Variants in CHD5 observed in about 807,000 individuals in gnomAD.
CHD5 encodes the protein chromodomain helicase DNA binding protein 5, also known as ATP-dependent chromatin remodeler CHD5.
In CHD5, 69 loss-of-function variants were observed where a neutral mutation model predicts 230.3. The ratio of observed to expected loss-of-function variants is 0.30; its 90% CI spans 0.25 to 0.37. The LOEUF (loss-of-function observed/expected upper bound fraction) is 0.37, where lower values mean the gene tolerates loss of function less well. CHD5 is among the 10% of genes least tolerant of loss of function. The probability of loss-of-function intolerance (pLI) is 1.00; values close to 1 mark genes in which losing one functional copy is unlikely to be tolerated. For synonymous variants in CHD5, 1,064 were observed against 1,065.9 expected (o/e 1.00, Z 0.03); for missense variants, 1,827 against 2,622.8 (o/e 0.70, Z 6.63).
Position 6,125,777 on chromosome 1 carries a change from G to A in CHD5, c.4160C>T (p.Pro1387Leu), listed in dbSNP as rs371081328. 20 of 1,612,936 alleles carry A rather than the reference G, an allele frequency of 1.2e-5. No homozygotes were observed. Among genetic ancestry groups the A allele is most frequent in the African/African-American group, 6.7e-5 (5 of 74,854 alleles). ...EDEDEDFEER[P>L]EGQSGRRQSR... ...ACACTGAGACTCACTCTGCCCTTCC[G>A]GCCTCTCTTCAAAGTCCTCATCCTC... Residue 1387 changes from proline to leucine, a missense_variant, in exon 27 of 42, where the codon CCG becomes CTG. This residue lies in a region of CHD5 where 137 missense variants were observed against 272.7 expected (regional missense o/e 0.50). Transcript: ENST00000262450. The surrounding 1 kb of genome is among the most constrained non-coding windows in gnomAD (Gnocchi z 6.7).
In CHD5 at chr1:6,128,550, C is replaced by T; in HGVS notation, c.3679G>A (p.Gly1227Arg). ...TTTGCACTGGCGGCCAAGTTCCCCC[C>T]TTTGGAGGACTGGACATCAGGGATG... is the stretch of plus-strand genomic sequence containing the variant. ...TPIPDVQSSK[G>R]GNLAASAKKK... Residue 1227 changes from glycine (G) to arginine (R), a missense_variant, in exon 24 of 42, where the codon GGG (glycine) becomes AGG (arginine). Transcript: ENST00000262450. This position sits in a 1 kb window ranked among gnomAD's most constrained non-coding sequence, Gnocchi z 7.8. 1 of 1,614,204 alleles carries T rather than the reference C, an allele frequency of 6.2e-7. No individual in the cohort carries two copies. Among genetic ancestry groups the T allele is most frequent in the Non-Finnish European group, 8.5e-7 (1 of 1,180,034 alleles).
At chr1:6,135,672 C>A (rs9435080) in intron 17 of CHD5, among the ~76,000 whole-genome samples, 1 of 151,928 alleles carries the variant, frequency 6.6e-6, no homozygotes, top group Non-Finnish European at 1.5e-5. Flanking sequence ...AGGAAACTGA[C>A]TCTGATGAGT....
chr1:6,121,204 C>T lies in CHD5; in HGVS notation c.4813G>A (p.Glu1605Lys), dbSNP rs1006816516. 9.3e-6 allele frequency: 15 copies of T among 1,613,894 alleles called. No homozygotes were observed. The highest frequency in any genetic ancestry group is 1.3e-5 in the Non-Finnish European group (15 of 1,179,904). Residue 1605 changes from glutamate to lysine, a missense_variant, in exon 33 of 42, where the codon GAG becomes AAG. Physicochemically the swap from Glu to Lys is moderately conservative, Grantham distance 56. This residue lies in a region of CHD5 where 272 missense variants were observed against 263.2 expected (regional missense o/e 1.03). Transcript: ENST00000262450. The surrounding 1 kb of genome is among the most constrained non-coding windows in gnomAD (Gnocchi z 4.5). The stretch of plus-strand genomic sequence containing the variant: ...CTGGCTGGGCTCTCGTGCTTGTCCT[C>T]ACTCTCCACTCTATCCAAGGCGGCT... Reference protein sequence around the residue: ...LPAALDRVESEDKHESPASKE... With the variant: ...LPAALDRVESKDKHESPASKE...
rs1666602824 is a variant in CHD5 at position 6,128,646 on chromosome 1, ACAGAGGGCTG to A, written c.3620-47_3620-38del. ...AGAAGGAAAGCACTGGTGCAGGACC[ACAGAGGGCTG>A]CAGGGTTGGCGGGCAGTGCCCAGAG... On this transcript the variant is annotated intron_variant, in intron 23 of 41. Coordinates refer to ENST00000262450, the MANE Select transcript of CHD5 (RefSeq NM_015557.3). The surrounding 1 kb of genome is among the most constrained non-coding windows in gnomAD (Gnocchi z 7.8). 6 of 1,535,866 alleles carry A rather than the reference ACAGAGGGCTG, an allele frequency of 3.9e-6. No homozygotes were observed. Among genetic ancestry groups the A allele is most frequent in the Non-Finnish European group, 4.5e-6 (5 of 1,110,806 alleles).
In CHD5 at chr1:6,111,692, C is replaced by T. The variant is rs1206190611; in HGVS notation, c.5249+83G>A. On this transcript the variant is annotated intron_variant, in intron 36 of 41. Coordinates refer to ENST00000262450, the MANE Select transcript of CHD5 (RefSeq NM_015557.3). ...GATTGAGGAAGAACGAGGAAGGCTT[C>T]CCCCGGAGCTCTCAGAGGGCTCTCC... is the stretch of plus-strand genomic sequence containing the variant. The T allele has an allele frequency of 2.9e-6, 3 of 1,042,888 alleles. No homozygotes were observed. The African/African-American group carries it at 4.7e-5, about 16-fold the overall frequency. 64.6% of individuals were successfully genotyped at this position (1,042,888 alleles called of 1,614,324 possible).
At chr1:6,171,520 C>T (rs957471017) in intron 1 of CHD5, among the ~76,000 whole-genome samples, 1 of 151,854 alleles carries the variant, frequency 6.6e-6, no homozygotes, top group Non-Finnish European at 1.5e-5. Flanking sequence ...CCCCCCAACA[C>T]CTCACACGCT....
In CHD5 at chr1:6,112,272, T is replaced by C. The variant is rs766396804; in HGVS notation, c.5008A>G (p.Thr1670Ala). Residue 1670 changes from threonine (T) to alanine (A), a missense_variant, in exon 35 of 42, where the codon ACC becomes GCC. This residue lies in a region of CHD5 where 272 missense variants were observed against 263.2 expected (regional missense o/e 1.03). Transcript: ENST00000262450. ...GDSSELRPDD[T>A]KAEEKEPIET... ...ATGGGCTCCTTCTCCTCAGCCTTGG[T>C]GTCATCTGCCGGGGACAGATCACAT... The C allele has an allele frequency of 8.1e-6, 13 of 1,614,034 alleles. No individual in the cohort carries two copies. In the African/African-American group the frequency reaches 1.7e-4, roughly 22 times the overall value.
chr1:6,128,222 G>A lies in CHD5; in HGVS notation c.3731-4C>T, dbSNP rs200932329. The A allele has an allele frequency of 5.0e-6, 8 of 1,613,728 alleles. No homozygotes were observed. The highest frequency in any genetic ancestry group is 1.7e-4 in the Middle Eastern group (1 of 6,058). ...TCCTCCACGTCCTTGTTGTCACCTG[G>A]GGAGCAGGCAAATGCAGTGTGAGGA... On this transcript the variant is annotated splice_polypyrimidine_tract_variant and splice_region_variant and intron_variant, in intron 24 of 41. Transcript: ENST00000262450. This position sits in a 1 kb window ranked among gnomAD's most constrained non-coding sequence, Gnocchi z 7.8.
At position 6,136,842 on chromosome 1, in the gene CHD5, G is replaced by T; in HGVS notation, c.2460C>A (p.His820Gln). The T allele has an allele frequency of 6.2e-7, 1 of 1,610,804 alleles. No homozygotes were observed. Residue 820 changes from histidine to glutamine, a missense_variant, in exon 16 of 42, where the codon CAC becomes CAA. Coordinates refer to ENST00000262450, the MANE Select transcript of CHD5 (RefSeq NM_015557.3). ...RMKKEVQIKFHVLLTSYELIT... is the reference protein window; with the variant it reads ...RMKKEVQIKFQVLLTSYELIT... Reference sequence around the variant, plus strand: ...TGAGCTCATAGGAGGTGAGCAGCACGTGGAATTTGATCTGCACTTCTTTCT... The same window carrying T: ...TGAGCTCATAGGAGGTGAGCAGCACTTGGAATTTGATCTGCACTTCTTTCT...
rs528076446 is a variant in CHD5, at chr1:6,169,858, A to G, written c.80-1581T>C. Among the ~76,000 whole-genome samples the G allele has an allele frequency of 2.6e-3, 396 of 152,110 alleles. 4 individuals carry two copies. The highest frequency in any genetic ancestry group is 9.0e-3 in the African/African-American group (375 of 41,508). On this transcript the variant is annotated intron_variant, in intron 1 of 41. Coordinates refer to ENST00000262450, the MANE Select transcript of CHD5 (RefSeq NM_015557.3). ...AGCACTCAGGGGAAGCTGAGGGGCAAAGAGAGGCCCCTCAGCCTCAGACCC... is the reference window on the plus strand; with the variant it reads ...AGCACTCAGGGGAAGCTGAGGGGCAGAGAGAGGCCCCTCAGCCTCAGACCC...
At position 6,134,686 on chromosome 1, in the gene CHD5, G is replaced by A. The variant is rs1182407780; in HGVS notation, c.3012+32C>T. ...ACAGGCACCTACCATGGCGGTCATG[G>A]AGAAGCTGCCATGATGGCCGGGGAA... On this transcript the variant is annotated intron_variant, in intron 19 of 41. Transcript: ENST00000262450. The surrounding 1 kb of genome is among the most constrained non-coding windows in gnomAD (Gnocchi z 6.3). The A allele has an allele frequency of 1.9e-6, 3 of 1,612,600 alleles. No individual in the cohort carries two copies. The highest frequency in any genetic ancestry group is 3.3e-5 in the Admixed American group (2 of 60,002).
chr1:6,177,532 A>G (rs899821682), intron 1 of CHD5, among the ~76,000 whole-genome samples: 10 of 152,340 alleles, frequency 6.6e-5, no homozygotes, highest in African/African-American at 2.2e-4. Context: ...GTGGTGACAC[A>G]AGCATGTAGT....
Position 6,142,250 on chromosome 1 carries a change from C to A in CHD5, c.2314G>T (p.Ala772Ser), listed in dbSNP as rs200205875. The change falls in exon 15 of 42, where the codon GCG (alanine) becomes TCG (serine). Residue 772 changes from alanine (A) to serine (S), a missense_variant. By Grantham distance (99) the Ala-to-Ser change is moderately conservative. Around this residue, in one of 14 missense-constraint regions of CHD5, gnomAD observed 80 missense variants for 96.4 expected, o/e 0.83. Transcript: ENST00000262450. The surrounding 1 kb of genome is among the most constrained non-coding windows in gnomAD (Gnocchi z 5.2). ...INWEREFEMWAPDFYVVTYTG... is the reference protein window; with the variant it reads ...INWEREFEMWSPDFYVVTYTG... ...TAGGTGACCACGTAGAAGTCGGGCG[C>A]CCACATCTCAAACTCGCGTTCCCAG... is the stretch of plus-strand genomic sequence containing the variant. 95 of 1,614,104 alleles carry A rather than the reference C, an allele frequency of 5.9e-5. No individual in the cohort carries two copies. In the East Asian group the frequency reaches 2.1e-3, roughly 35 times the overall value.
chr1:6,130,536 C>T lies in CHD5; in HGVS notation c.3263-208G>A, dbSNP rs1666638657. ...CTGCCCAAGCCCACTTAGCCCCCAG[C>T]GAGCTCTGAGCCCTAGTGCAGTGGG... On this transcript the variant is annotated intron_variant, in intron 21 of 41. Coordinates refer to ENST00000262450, the MANE Select transcript of CHD5 (RefSeq NM_015557.3). The surrounding 1 kb of genome is among the most constrained non-coding windows in gnomAD (Gnocchi z 4.9). Among the ~76,000 whole-genome samples the T allele has an allele frequency of 6.6e-6, 1 of 152,114 alleles. No individual in the cohort carries two copies. Among genetic ancestry groups the T allele is most frequent in the African/African-American group, 2.4e-5 (1 of 41,406 alleles).
In CHD5 at chr1:6,167,569, G is replaced by A. The variant is rs1262301069; in HGVS notation, c.207+581C>T. On this transcript the variant is annotated intron_variant, in intron 2 of 41. Transcript: ENST00000262450. This position sits in a 1 kb window ranked among gnomAD's most constrained non-coding sequence, Gnocchi z 4.5. ...GATCATGAGGATCAAGTGAGCCCGC[G>A]TGAAGCACAGAGAAGCACACTCGGA... Among the ~76,000 whole-genome samples the A allele has an allele frequency of 3.9e-5, 6 of 152,178 alleles. No individual in the cohort carries two copies. The highest frequency in any genetic ancestry group is 1.9e-4 in the East Asian group (1 of 5,198).
chr1:6,172,498 T>C (rs1187433247), intron 1 of CHD5, among the ~76,000 whole-genome samples: 1 of 152,140 alleles, frequency 6.6e-6, no homozygotes, highest in Non-Finnish European at 1.5e-5. Flanking sequence ...CTCAGGGTTC[T>C]ATTCTTATCC....
chr1:6,162,379 T>A, intron 2 of CHD5, among the ~76,000 whole-genome samples: 1 of 144,426 alleles, frequency 6.9e-6, no homozygotes. Flanking sequence ...AGAGCCAAAC[T>A]CCATCTCAAA....
chr1:6,118,905 C>G (rs375657024), intron 33 of CHD5, among the ~76,000 whole-genome samples: 1 of 151,872 alleles, frequency 6.6e-6, no homozygotes, highest in Non-Finnish European at 1.5e-5. Flanking sequence ...ACCATGTCGG[C>G]CAGGCTGGTC....
Position 6,128,289 on chromosome 1 carries a change from C to G in CHD5, c.3731-71G>C. On this transcript the variant is annotated intron_variant, in intron 24 of 41. Coordinates refer to ENST00000262450, the MANE Select transcript of CHD5 (RefSeq NM_015557.3). This position sits in a 1 kb window ranked among gnomAD's most constrained non-coding sequence, Gnocchi z 7.8. ...CCAGCCCCGGGGTCCCAGGAACAGACTCCCAACAATGGCCCTTCCCATCCC... is the reference window on the plus strand; with the variant it reads ...CCAGCCCCGGGGTCCCAGGAACAGAGTCCCAACAATGGCCCTTCCCATCCC... 1 of 1,496,710 alleles carries G rather than the reference C, an allele frequency of 6.7e-7. No homozygotes were observed. The highest frequency in any genetic ancestry group is 9.2e-7 in the Non-Finnish European group (1 of 1,090,348). The allele number at this position is 1,496,710 out of a possible 1,614,324, so 92.7% of individuals were successfully genotyped here. A position where few individuals can be genotyped will look rare whatever the true frequency, so the allele number is the denominator to read the frequency against.
Sources: allele counts gnomAD v4.1 joint callset (sites outside exome capture counted in the v4.1 genomes callset), GRCh38; gene constraint gnomAD v4.1.1; regional missense constraint gnomAD v4.1.1; non-coding constraint Gnocchi (gnomAD v3.1); transcripts MANE v1.5; gene names NCBI Gene and HGNC (gene_info 2026-07-23, HGNC 2026-07-21).